Variants in ARMC1 observed in about 807,000 individuals in gnomAD.
ARMC1 encodes armadillo repeat-containing protein 1.
ARMC1 carries 16 observed loss-of-function variants against 31.4 expected under a neutral mutation model. The observed-to-expected ratio is 0.51, with a 90% CI of 0.34 to 0.77. The LOEUF (loss-of-function observed/expected upper bound fraction) is 0.77, where lower values mean the gene tolerates loss of function less well. Ranked by LOEUF, ARMC1 falls within the 30% of genes least tolerant of loss-of-function variation. The pLI is 0.01. For missense variants in ARMC1, 259 were observed against 347.5 expected, an observed-to-expected ratio of 0.75 and a Z score of 2.02; for synonymous variants, 114 against 118.9, an observed-to-expected ratio of 0.96 and a Z score of 0.27.
At chr8:65,614,797 AC>A (rs1228573048) in intron 3 of ARMC1, among the ~76,000 whole-genome samples, 2 of 152,262 alleles carry the variant, frequency 1.3e-5, no homozygotes, top group African/African-American at 4.8e-5. Flanking sequence ...GAAGAGCTTC[AC>A]CCAGACTGCA....
intron 3 of ARMC1, among the ~76,000 whole-genome samples, chr8:65,616,905 C>T (rs1168449452): frequency 6.6e-6 from 1 of 151,576 alleles, no homozygotes; most frequent in Admixed American, 6.6e-5. Context: ...GGCAGCCGCC[C>T]CGTCTGAGAA....
chr8:65,619,856 T>C (rs1020516545), intron 3 of ARMC1, among the ~76,000 whole-genome samples: 2 of 151,538 alleles, frequency 1.3e-5, no homozygotes, highest in African/African-American at 4.9e-5. Context: ...TGGTGGTGCG[T>C]GCCTGTAATC....
At chr8:65,615,920 T>C (rs1808241304) in intron 3 of ARMC1, among the ~76,000 whole-genome samples, 1 of 151,370 alleles carries the variant, frequency 6.6e-6, no homozygotes, top group South Asian at 2.1e-4. Flanking sequence ...AAAGAAAAAC[T>C]GTATTATTGT....
chr8:65,616,433 T>G (rs1448579308), intron 3 of ARMC1, among the ~76,000 whole-genome samples: 1 of 152,224 alleles, frequency 6.6e-6, no homozygotes, highest in Non-Finnish European at 1.5e-5. Context: ...GTTCACTCAG[T>G]GCTCAATGGT....
intron 1 of ARMC1, among the ~76,000 whole-genome samples, chr8:65,629,782 G>C (rs6984259): frequency 9.2e-4 from 121 of 132,060 alleles, no homozygotes; most frequent in Non-Finnish European, 1.4e-3. Flanking sequence ...CTGGGCAACA[G>C]AGCAAGACTC....
intron 3 of ARMC1, among the ~76,000 whole-genome samples, chr8:65,618,747 A>G (rs1808330290): frequency 1.3e-5 from 2 of 152,000 alleles, no homozygotes; most frequent in South Asian, 4.1e-4. Flanking sequence ...AAAATCTAAT[A>G]AAAAGGTAAC....
chr8:65,627,163 T>C, intron 2 of ARMC1, 53 bp downstream of exon 2: 3 of 1,487,012 alleles, frequency 2.0e-6, no homozygotes, highest in Non-Finnish European at 2.7e-6. Flanking sequence ...TTCCAAATTC[T>C]CACCTTAACT....
intron 3 of ARMC1, among the ~76,000 whole-genome samples, chr8:65,620,294 C>CTTTTTTTTTTTTTTTTTTTTTTT (rs755112362): frequency 1.1e-5 from 1 of 90,176 alleles, no homozygotes; most frequent in Non-Finnish European, 2.1e-5. Context: ...ATTATTATTA[C>CTTTTTTTTTTTTTTTTTTTTTTT]TTTTTTTTTT....
At chr8:65,618,038 C>G (rs898554176) in intron 3 of ARMC1, among the ~76,000 whole-genome samples, 2 of 152,018 alleles carry the variant, frequency 1.3e-5, no homozygotes, top group African/African-American at 4.8e-5. Flanking sequence ...GTCTCAGCCC[C>G]GTGAGTAGCT....
chr8:65,628,581 G>A (rs569701535), intron 1 of ARMC1, among the ~76,000 whole-genome samples: 5 of 150,422 alleles, frequency 3.3e-5, no homozygotes, highest in Admixed American at 6.6e-5. Context: ...ATTTTGGCCC[G>A]GCATGGTGGC....
Position 65,627,439 on chromosome 8 carries a change from G to A in ARMC1, c.-35-6C>T. 6.7e-7 allele frequency: 1 copy of A among 1,482,954 alleles called. No homozygotes were observed. Among genetic ancestry groups the A allele is most frequent in the Non-Finnish European group, 9.0e-7 (1 of 1,108,836 alleles). 91.9% of individuals were successfully genotyped at this position (1,482,954 alleles called of 1,614,324 possible). A position where few individuals can be genotyped will look rare whatever the true frequency, so the allele number is the denominator to read the frequency against. On this transcript the variant is annotated splice_region_variant and splice_polypyrimidine_tract_variant and intron_variant, in intron 1 of 6. Transcript: ENST00000276569. The stretch of plus-strand genomic sequence containing the variant: ...CATGAATAAAATCTTAAATTCTGTA[G>A]AAAAGGTTTGCAGAATTAGTTCTAG...
At position 65,626,244 on chromosome 8, in the gene ARMC1, A is replaced by T. The variant is rs576027483; in HGVS notation, c.183+972T>A. 5.3e-5 allele frequency among the ~76,000 whole-genome samples: 8 copies of T among 152,212 alleles called. No individual in the cohort carries two copies. The South Asian group carries it at 1.7e-3, about 32-fold the overall frequency. ...TTTGCCAGAATAGGCAAATATAGAC[A>T]TACAAAAAGTAGATTAGTAGTTGCT... On this transcript the variant is annotated intron_variant, in intron 2 of 6. Transcript: ENST00000276569.
chr8:65,632,404 G>GA (rs1293981720), intron 1 of ARMC1, among the ~76,000 whole-genome samples: 2 of 152,130 alleles, frequency 1.3e-5, no homozygotes, highest in Non-Finnish European at 2.9e-5. Flanking sequence ...ACGAGGTCAG[G>GA]TGATTGAGAC....
chr8:65,614,023 G>A (rs1808199297), intron 3 of ARMC1, among the ~76,000 whole-genome samples: 1 of 150,932 alleles, frequency 6.6e-6, no homozygotes, highest in African/African-American at 2.4e-5. Context: ...AACAAGATCA[G>A]GTTGTAACAT....
chr8:65,621,687 T>C (rs2129043201), intron 3 of ARMC1, among the ~76,000 whole-genome samples: 1 of 152,218 alleles, frequency 6.6e-6, no homozygotes, highest in East Asian at 1.9e-4. Flanking sequence ...TTTTGTATTT[T>C]TACTAGAAAC....
At chr8:65,604,694 T>C in intron 6 of ARMC1, 109 bp from the exon 7 acceptor site, 1 of 857,076 alleles carries the variant, frequency 1.2e-6, no homozygotes, top group East Asian at 2.6e-5. Flanking sequence ...GTAGGCCCAA[T>C]TGCTGAGCAC....
rs1005234322 is a variant in ARMC1 at position 65,604,272 on chromosome 8, G to A, written c.*122C>T. On this transcript the variant is annotated 3_prime_UTR_variant, in exon 7 of 7. Transcript: ENST00000276569. ...CAATAAAACGTGAAATGCAGCATAT[G>A]CGATCGTGTAATCTAAAAACTTTTC... 5 of 863,568 alleles carry A rather than the reference G, an allele frequency of 5.8e-6. No individual in the cohort carries two copies. In the East Asian group the frequency reaches 7.7e-5, roughly 13 times the overall value. 53.5% of individuals were successfully genotyped at this position (863,568 alleles called of 1,614,324 possible).
intron 1 of ARMC1, among the ~76,000 whole-genome samples, chr8:65,628,701 T>C (rs1367427857): frequency 6.7e-6 from 1 of 149,100 alleles, no homozygotes. Context: ...CTACTAAAAA[T>C]ACAAAATTAG....
At chr8:65,613,181 C>G (rs1355403988) in intron 4 of ARMC1, 63 bp downstream of exon 4, 1 of 1,300,008 alleles carries the variant, frequency 7.7e-7, no homozygotes, top group Non-Finnish European at 1.0e-6. Flanking sequence ...AGACTGTTAG[C>G]AAGTGGCACT....
Sources: gnomAD v4.1 joint callset for allele counts (sites outside exome capture counted in the v4.1 genomes callset) on GRCh38, gnomAD v4.1.1 for gene constraint, MANE v1.5 for transcripts, NCBI Gene and HGNC (gene_info 2026-07-23, HGNC 2026-07-21) for gene names.